Variants in AFF1 observed in about 807,000 individuals in gnomAD.
The protein encoded by AFF1 is AF4/FMR2 family member 1.
AFF1 carries 48 observed loss-of-function variants against 121.7 expected under a neutral mutation model. The ratio of observed to expected loss-of-function variants is 0.39; its 90% CI spans 0.31 to 0.50. The LOEUF (loss-of-function observed/expected upper bound fraction) is 0.50, where lower values mean the gene tolerates loss of function less well. Among genes scored for constraint, AFF1 ranks in the 20% least tolerant of loss-of-function variants. AFF1 has a pLI of 0.76. For synonymous variants in AFF1, 613 were observed against 563.0 expected, an observed-to-expected ratio of 1.09 and a Z score of -1.26; for missense variants, 1,523 against 1,511.7, an observed-to-expected ratio of 1.01 and a Z score of -0.12.
chr4:87,025,679 A>G (rs569397326), intron 2 of AFF1, among the ~76,000 whole-genome samples: 1 of 152,206 alleles, frequency 6.6e-6, no homozygotes, highest in South Asian at 2.1e-4. Context: ...ATCATCTCAG[A>G]TAGAGGCTAG....
chr4:87,051,658 C>T (rs888705813), intron 4 of AFF1, among the ~76,000 whole-genome samples: 3 of 151,844 alleles, frequency 2.0e-5, no homozygotes, highest in Non-Finnish European at 2.9e-5. Flanking sequence ...TTATTCGAGA[C>T]GAGGTTTCAC....
At chr4:87,074,545 G>T (rs1722463276) in intron 4 of AFF1, among the ~76,000 whole-genome samples, 1 of 152,170 alleles carries the variant, frequency 6.6e-6, no homozygotes, top group Non-Finnish European at 1.5e-5. Context: ...ACAGTGGTAA[G>T]TTTTTTACAT....
chr4:86,983,363 C>A (rs1723929709), intron 2 of AFF1, among the ~76,000 whole-genome samples: 1 of 151,914 alleles, frequency 6.6e-6, no homozygotes, highest in South Asian at 2.1e-4. Flanking sequence ...CTCGTCTCTA[C>A]TAAAAATATA....
chr4:86,975,083 G>A (rs993825900), intron 2 of AFF1, among the ~76,000 whole-genome samples: 1 of 152,046 alleles, frequency 6.6e-6, no homozygotes, highest in Non-Finnish European at 1.5e-5. Flanking sequence ...TCTCTTTAGT[G>A]CTTTTCCTAC....
chr4:87,031,391 T>C (rs2149583665), intron 2 of AFF1, among the ~76,000 whole-genome samples: 1 of 152,254 alleles, frequency 6.6e-6, no homozygotes, highest in Middle Eastern at 3.4e-3. Flanking sequence ...TTTTTCTCCT[T>C]AGTCCTTTAG....
At chr4:87,046,063 C>G (rs760098850) in intron 2 of AFF1, 103 bp from the exon 3 acceptor site, 1 of 1,421,220 alleles carries the variant, frequency 7.0e-7, no homozygotes, top group East Asian at 2.3e-5. Context: ...ACTGCTTCTT[C>G]CCAGACCTGT....
chr4:87,134,902 T>C (rs549601834), intron 20 of AFF1, among the ~76,000 whole-genome samples: 1 of 152,340 alleles, frequency 6.6e-6, no homozygotes, highest in South Asian at 2.1e-4. Context: ...TGTGGCTAGA[T>C]CTTAGCAAAA....
At chr4:87,131,296 T>G (rs1166561847) in intron 17 of AFF1, 77 bp downstream of exon 17, 3 of 1,554,368 alleles carry the variant, frequency 1.9e-6, no homozygotes, top group Non-Finnish European at 2.6e-6. Flanking sequence ...CATTTGAACC[T>G]TAGTGTGAAG....
At chr4:86,988,537 A>G (rs1027708159) in intron 2 of AFF1, among the ~76,000 whole-genome samples, 2 of 152,196 alleles carry the variant, frequency 1.3e-5, no homozygotes. Context: ...CAAGGAAATA[A>G]GAGAGGACAC....
chr4:87,022,545 T>TAGATAG (rs1560546884), intron 2 of AFF1, among the ~76,000 whole-genome samples: 5 of 32,898 alleles, frequency 1.5e-4, no homozygotes, highest in African/African-American at 1.4e-3. Flanking sequence ...TGCTTACAGA[T>TAGATAG]ATATATATAT....
At chr4:87,094,068 C>G (rs757180000) in intron 7 of AFF1, among the ~76,000 whole-genome samples, 1 of 152,066 alleles carries the variant, frequency 6.6e-6, no homozygotes, top group African/African-American at 2.4e-5. Context: ...TCTGCTTCCG[C>G]CTGTTTCAGT....
chr4:87,057,876 C>T (rs1720309545), intron 4 of AFF1, among the ~76,000 whole-genome samples: 1 of 152,126 alleles, frequency 6.6e-6, no homozygotes, highest in Non-Finnish European at 1.5e-5. Context: ...TGTTAAACCC[C>T]CACCGCTGTC....
intron 4 of AFF1, among the ~76,000 whole-genome samples, chr4:87,052,981 T>A (rs752042018): frequency 1.3e-4 from 19 of 151,970 alleles, no homozygotes; most frequent in Non-Finnish European, 2.1e-4. Context: ...TCTAGTTGGG[T>A]CATGTATTAA....
Position 87,136,328 on chromosome 4 carries a change from C to G in AFF1, c.*627C>G, listed in dbSNP as rs1195591906. 1 of 232,312 alleles carries G rather than the reference C, an allele frequency of 4.3e-6. No homozygotes were observed. Among genetic ancestry groups the G allele is most frequent in the Non-Finnish European group, 8.5e-6 (1 of 117,586 alleles). The allele number at this position is 232,312 out of a possible 1,614,324, so 14.4% of individuals were successfully genotyped here. A position where few individuals can be genotyped will look rare whatever the true frequency, so the allele number is the denominator to read the frequency against. ...AATTTATAAAATTGAAGGCAACCCCCGCTCCTGCCGCCCCCAATCTCCCCA... is the reference window on the plus strand; with the variant it reads ...AATTTATAAAATTGAAGGCAACCCCGGCTCCTGCCGCCCCCAATCTCCCCA... On this transcript the variant is annotated 3_prime_UTR_variant, in exon 21 of 21. Transcript: ENST00000395146.
At position 87,126,942 on chromosome 4, in the gene AFF1, C is replaced by T. The variant is rs181853667; in HGVS notation, c.2812-84C>T. 24 of 1,145,988 alleles carry T rather than the reference C, an allele frequency of 2.1e-5. No individual in the cohort carries two copies. The East Asian group carries it at 4.3e-4, about 20-fold the overall frequency. The allele number at this position is 1,145,988 out of a possible 1,614,324, so 71.0% of individuals were successfully genotyped here. A position where few individuals can be genotyped will look rare whatever the true frequency, so the allele number is the denominator to read the frequency against. On this transcript the variant is annotated intron_variant, in intron 14 of 20. Transcript: ENST00000395146. Reference sequence around the variant, plus strand: ...TTACTCTTTTTTGAAACTACTATTTCGGGCTATTTAAGAGGGATGGTACTT... The same window carrying T: ...TTACTCTTTTTTGAAACTACTATTTTGGGCTATTTAAGAGGGATGGTACTT...
chr4:87,000,603 C>T (rs971646152), intron 2 of AFF1, among the ~76,000 whole-genome samples: 2 of 76,758 alleles, frequency 2.6e-5, no homozygotes, highest in Non-Finnish European at 5.2e-5. Flanking sequence ...AAAAAATAAA[C>T]TCTGTGTGTG....
chr4:86,974,622 C>A (rs563723763), intron 2 of AFF1, among the ~76,000 whole-genome samples: 1 of 152,212 alleles, frequency 6.6e-6, no homozygotes, highest in African/African-American at 2.4e-5. Flanking sequence ...ACAGGAAATG[C>A]CATCCAAAAT....
In AFF1 at chr4:87,136,551, GCAGT is replaced by G. The variant is rs2149809554; in HGVS notation, c.*853_*856del. 8.6e-6 allele frequency: 2 copies of G among 231,892 alleles called. No homozygotes were observed. Among genetic ancestry groups the G allele is most frequent in the South Asian group, 3.6e-4 (2 of 5,510 alleles). 14.4% of individuals were successfully genotyped at this position (231,892 alleles called of 1,614,324 possible). On this transcript the variant is annotated 3_prime_UTR_variant, in exon 21 of 21. Transcript: ENST00000395146. ...TCAGCGAAAGGGACTCTCTAACAGG[GCAGT>G]CACTGTTGACTCTATTCTGAATTTC... is the stretch of plus-strand genomic sequence containing the variant.
chr4:87,043,991 G>A (rs1259468457), intron 2 of AFF1, among the ~76,000 whole-genome samples: 1 of 152,024 alleles, frequency 6.6e-6, no homozygotes, highest in Non-Finnish European at 1.5e-5. Context: ...GCTAATTTTT[G>A]TATTTTTAGT....
Sources: allele counts gnomAD v4.1 joint callset (sites outside exome capture counted in the v4.1 genomes callset), GRCh38; gene constraint gnomAD v4.1.1; transcripts MANE v1.5; gene names NCBI Gene and HGNC (gene_info 2026-07-23, HGNC 2026-07-21).